PCM1: variants seen among roughly 807,000 people sequenced by gnomAD.
PCM1 encodes the protein pericentriolar material 1.
In PCM1, 157 loss-of-function variants were observed where a neutral mutation model predicts 241.9. The ratio of observed to expected loss-of-function variants is 0.65; its 90% CI spans 0.57 to 0.74. PCM1 has a LOEUF of 0.74. PCM1 is among the 30% of genes least tolerant of loss of function. PCM1 has a pLI of 0.00. For missense variants in PCM1, 3,478 were observed against 2,360.1 expected, an observed-to-expected ratio of 1.47 and a Z score of -9.81; for synonymous variants, 1,085 against 784.9, an observed-to-expected ratio of 1.38 and a Z score of -6.39.
At chr8:17,940,252 G>C (rs192013407) in intron 6 of PCM1, 1 of 661,540 alleles carries the variant, frequency 1.5e-6, no homozygotes, top group East Asian at 2.7e-5. Context: ...GTTCCTTAAT[G>C]AAAAGTGTAT....
At chr8:17,968,172 T>C (rs755905753) in intron 21 of PCM1, among the ~76,000 whole-genome samples, 20 of 151,936 alleles carry the variant, frequency 1.3e-4, no homozygotes, top group Admixed American at 2.0e-4. Flanking sequence ...AGCAATGAAA[T>C]AGTACATCAC....
chr8:17,945,964 A>G (rs1399674026), intron 6 of PCM1, among the ~76,000 whole-genome samples: 2 of 152,216 alleles, frequency 1.3e-5, no homozygotes, highest in Admixed American at 6.5e-5. Context: ...TTAAAATAAA[A>G]GACTTTTTAA....
At chr8:18,011,639 A>G (rs1407404533) in intron 33 of PCM1, 28 bp from the exon 34 acceptor site, 4 of 1,571,848 alleles carry the variant, frequency 2.5e-6, no homozygotes, top group Non-Finnish European at 3.5e-6. Context: ...GCTGAAATTT[A>G]CTAAAAATTG....
chr8:17,952,480 C>A (rs2066441461), intron 8 of PCM1, among the ~76,000 whole-genome samples: 1 of 152,112 alleles, frequency 6.6e-6, no homozygotes, highest in African/African-American at 2.4e-5. Context: ...AGTCAGCTCT[C>A]AGTATCTGTG....
intron 13 of PCM1, among the ~76,000 whole-genome samples, chr8:17,958,716 G>A (rs2070028563): frequency 1.4e-5 from 2 of 142,774 alleles, no homozygotes; most frequent in East Asian, 2.2e-4. Flanking sequence ...AAAAAAGTAC[G>A]TATTTGTATT....
chr8:18,010,657 G>A lies in PCM1; in HGVS notation c.5209G>A (p.Asp1737Asn), dbSNP rs1341625143. 6.2e-7 allele frequency: 1 copy of A among 1,600,740 alleles called. No homozygotes were observed. Among genetic ancestry groups the A allele is most frequent in the East Asian group, 2.3e-5 (1 of 43,956 alleles). ...TGGCTCACCTGCTGGAGAGATTGATGATGAAGACAAAGTATGTGCTAATTA... is the reference window on the plus strand; with the variant it reads ...TGGCTCACCTGCTGGAGAGATTGATAATGAAGACAAAGTATGTGCTAATTA... The part of the protein sequence containing the change: ...DHGSPAGEID[D>N]EDKDKDETET... The change falls in exon 32 of 39, where the codon GAT becomes AAT. Residue 1737 changes from aspartate to asparagine, a missense_variant. Transcript: ENST00000325083.
At chr8:17,932,452 A>C (rs917531921) in intron 2 of PCM1, among the ~76,000 whole-genome samples, 1 of 152,158 alleles carries the variant, frequency 6.6e-6, no homozygotes, top group Non-Finnish European at 1.5e-5. Flanking sequence ...ATAATATGTA[A>C]TTTATATGAA....
Position 17,966,004 on chromosome 8 carries a change from A to C in PCM1, c.2861A>C (p.Lys954Thr). 6.2e-7 allele frequency: 1 copy of C among 1,607,950 alleles called. No individual in the cohort carries two copies. Among genetic ancestry groups the C allele is most frequent in the Non-Finnish European group, 8.5e-7 (1 of 1,176,488 alleles). Residue 954 changes from lysine to threonine, a missense_variant, in exon 19 of 39, where the codon AAG becomes ACG. By Grantham distance (78) the Lys-to-Thr change is moderately conservative. Coordinates refer to ENST00000325083, the MANE Select transcript of PCM1 (RefSeq NM_006197.4). The stretch of plus-strand genomic sequence containing the variant: ...TGCTTTCAATCTTGTGTTAGGTGGA[A>C]GAACAATTGCCCTTTTTCGGCAGAT... Reference protein sequence around the residue: ...YNGKETKNRWKNNCPFSADEN... With the variant: ...YNGKETKNRWTNNCPFSADEN...
chr8:17,987,520 G>C (rs571555344), intron 26 of PCM1, among the ~76,000 whole-genome samples: 1 of 151,922 alleles, frequency 6.6e-6, no homozygotes, highest in South Asian at 2.1e-4. Flanking sequence ...ACCTAAGAAG[G>C]TTTTAAAGTT....
At chr8:17,938,651 C>G (rs1369696402) in intron 4 of PCM1, 89 bp from the exon 5 acceptor site, 1 of 870,748 alleles carries the variant, frequency 1.1e-6, no homozygotes, top group Non-Finnish European at 1.9e-6. Flanking sequence ...GAATCAATAT[C>G]TGATGGCGAA....
At chr8:18,000,797 A>AT (rs537925368) in intron 29 of PCM1, among the ~76,000 whole-genome samples, 81 of 152,042 alleles carry the variant, frequency 5.3e-4, no homozygotes, top group African/African-American at 1.9e-3. Flanking sequence ...TGCTTTTTGT[A>AT]TTTTTAGTAG....
In PCM1 at chr8:17,980,606, G is replaced by A. The variant is rs758169705; in HGVS notation, c.3959G>A (p.Ser1320Asn). The A allele has an allele frequency of 1.3e-6, 2 of 1,595,146 alleles. No individual in the cohort carries two copies. Among genetic ancestry groups the A allele is most frequent in the African/African-American group, 1.4e-5 (1 of 73,924 alleles). Residue 1320 changes from serine to asparagine, a missense_variant, in exon 24 of 39, where the codon AGT becomes AAT. Physicochemically the swap from Ser to Asn is conservative, Grantham distance 46. Coordinates refer to ENST00000325083, the MANE Select transcript of PCM1 (RefSeq NM_006197.4). ...RVKNIRYESASMSSTCEPCKS... is the reference protein window; with the variant it reads ...RVKNIRYESANMSSTCEPCKS... ...TTTACTCAAGGGTATGAAAGTGCCAGTATGTCTAGCACATGTGAACCTTGC... is the reference window on the plus strand; with the variant it reads ...TTTACTCAAGGGTATGAAAGTGCCAATATGTCTAGCACATGTGAACCTTGC...
Position 17,955,613 on chromosome 8 carries a change from A to C in PCM1, c.1432A>C (p.Ser478Arg), listed in dbSNP as rs369556797. The C allele has an allele frequency of 1.2e-6, 2 of 1,613,596 alleles. No individual in the cohort carries two copies. The highest frequency in any genetic ancestry group is 2.7e-5 in the African/African-American group (2 of 74,914). ...PTASLVSQNE[S>R]ENEGHLNPSE... ...TGCTTCTCTAGTATCTCAGAATGAG[A>C]GTGAAAACGAAGGCCACCTCAATCC... Residue 478 changes from serine to arginine, a missense_variant, in exon 10 of 39, where the codon AGT becomes CGT. Coordinates refer to ENST00000325083, the MANE Select transcript of PCM1 (RefSeq NM_006197.4).
At chr8:17,951,784 G>GT (rs1386041597) in intron 8 of PCM1, among the ~76,000 whole-genome samples, 2 of 152,132 alleles carry the variant, frequency 1.3e-5, no homozygotes, top group Non-Finnish European at 2.9e-5. Context: ...CAGAGCTTTA[G>GT]TTAAATCTGT....
At chr8:17,977,870 A>G (rs1405299886) in intron 23 of PCM1, among the ~76,000 whole-genome samples, 2 of 152,172 alleles carry the variant, frequency 1.3e-5, no homozygotes, top group East Asian at 1.9e-4. Context: ...TATTAAAGCT[A>G]TCCAGCATTT....
At chr8:17,930,066 G>A (rs1455013599) in intron 2 of PCM1, among the ~76,000 whole-genome samples, 1 of 147,168 alleles carries the variant, frequency 6.8e-6, no homozygotes, top group Admixed American at 6.8e-5. Flanking sequence ...TTGGTATTCT[G>A]TACATCCTTA....
intron 6 of PCM1, among the ~76,000 whole-genome samples, chr8:17,944,845 G>T (rs2063275236): frequency 6.6e-6 from 1 of 152,030 alleles, no homozygotes; most frequent in South Asian, 2.1e-4. Context: ...TGAAAATTGA[G>T]AATTCATTTT....
At position 18,008,367 on chromosome 8, in the gene PCM1, T is replaced by C. The variant is rs184947967; in HGVS notation, c.4963-1180T>C. ...ATCACCCCCATATGAGACCATCTAG[T>C]TGCAGGAAAATAAGCTCAGGGCTCC... On this transcript the variant is annotated intron_variant, in intron 30 of 38. Coordinates refer to ENST00000325083, the MANE Select transcript of PCM1 (RefSeq NM_006197.4). Among the ~76,000 whole-genome samples, 349 of 152,120 alleles carry C rather than the reference T, an allele frequency of 2.3e-3. 1 individual carries two copies. Among genetic ancestry groups the C allele is most frequent in the African/African-American group, 8.1e-3 (337 of 41,470 alleles).
chr8:18,027,652 A>G lies in PCM1; in HGVS notation c.6065A>G (p.Gln2022Arg), dbSNP rs757363453. 12 of 1,583,128 alleles carry G rather than the reference A, an allele frequency of 7.6e-6. No individual in the cohort carries two copies. Among genetic ancestry groups the G allele is most frequent in the South Asian group, 6.9e-5 (6 of 86,350 alleles). The change falls in exon 39 of 39, where the codon CAG becomes CGG. Residue 2022 changes from glutamine (Q) to arginine (R), a missense_variant. Gln to Arg is a conservative substitution (Grantham distance 43). Coordinates refer to ENST00000325083, the MANE Select transcript of PCM1 (RefSeq NM_006197.4). ...TLKEPETVGA[Q>R]SI ...TGTTTTTCAGAAACGGTGGGAGCCC[A>G]GAGTATATGAGATGTCTTCAGAGGC...
Sources: allele counts gnomAD v4.1 joint callset (sites outside exome capture counted in the v4.1 genomes callset), GRCh38; gene constraint gnomAD v4.1.1; transcripts MANE v1.5; gene names NCBI Gene and HGNC (gene_info 2026-07-23, HGNC 2026-07-21).